The following ABCA2 variants were observed in gnomAD, a reference collection of about 807,000 sequenced individuals.
The protein encoded by ABCA2 is ATP-binding cassette sub-family A member 2.
Under a neutral mutation model 262.8 loss-of-function variants are expected in ABCA2, and 84 were observed. That is an observed-to-expected ratio of 0.32 (90% CI 0.27 to 0.38). ABCA2 has a LOEUF of 0.38. ABCA2 is among the 10% of genes least tolerant of loss of function. The pLI is 1.00. For missense variants in ABCA2, 2,662 were observed against 3,405.9 expected (o/e 0.78, Z 5.44); for synonymous variants, 1,696 against 1,502.9 (o/e 1.13, Z -2.97).
chr9:137,019,838 G>A lies in ABCA2; in HGVS notation c.1425+498C>T, dbSNP rs1831390077. ...GCCCACCAGCTCCTTTGCTGGACCT[G>A]TCTCCATGTGTCCCTTAAGCACCCA... On this transcript the variant is annotated intron_variant, in intron 10 of 48. Transcript: ENST00000341511. This position sits in a 1 kb window ranked among gnomAD's most constrained non-coding sequence, Gnocchi z 4.4. 1.5e-5 allele frequency: 3 copies of A among 195,428 alleles called. No individual in the cohort carries two copies. The highest frequency in any genetic ancestry group is 1.1e-4 in the Admixed American group (2 of 18,666). The allele number at this position is 195,428 out of a possible 1,614,324, so 12.1% of individuals were successfully genotyped here.
chr9:137,025,635 C>A lies in ABCA2; in HGVS notation c.67-1399G>T, dbSNP rs145900157. Reference sequence around the variant, plus strand: ...CTGAGCCAGGACGGAGCCCAGGGTTCGCCAAGGCACTGTGGGCACCAACAG... The same window carrying A: ...CTGAGCCAGGACGGAGCCCAGGGTTAGCCAAGGCACTGTGGGCACCAACAG... On this transcript the variant is annotated intron_variant, in intron 1 of 48. Coordinates refer to ENST00000341511, the MANE Select transcript of ABCA2 (RefSeq NM_001606.5). Among the ~76,000 whole-genome samples, 9 of 152,350 alleles carry A rather than the reference C, an allele frequency of 5.9e-5. No homozygotes were observed. In the East Asian group the frequency reaches 1.7e-3, roughly 29 times the overall value.
chr9:137,023,076 A>T, intron 3 of ABCA2, 24 bp from the exon 4 acceptor site: 1 of 1,514,516 alleles, frequency 6.6e-7, no homozygotes, highest in Non-Finnish European at 9.0e-7. Context: ...GGGAGAGGGC[A>T]GGGTCGGGGG....
chr9:137,014,324 G>A lies in ABCA2; in HGVS notation c.4084C>T (p.Arg1362Trp), dbSNP rs770918468. 71 of 1,609,056 alleles carry A rather than the reference G, an allele frequency of 4.4e-5. No individual in the cohort carries two copies. The Admixed American group carries it at 6.7e-4, about 15-fold the overall frequency. Residue 1362 changes from arginine (R) to tryptophan (W), a missense_variant, in exon 27 of 49, where the codon CGG (arginine) becomes TGG (tryptophan). Transcript: ENST00000341511. ...TGCGACTGGGTCAGCTCCGAGCACC[G>A]GGCCAGATTGCCAGCGTGACCCTCC... ...SGEGHAGNLA[R>W]CSELTQSQAS...
Position 137,021,815 on chromosome 9 carries a change from T to C in ABCA2, c.678+76A>G, listed in dbSNP as rs1831462999. 1 of 1,408,072 alleles carries C rather than the reference T, an allele frequency of 7.1e-7. No individual in the cohort carries two copies. Among genetic ancestry groups the C allele is most frequent in the African/African-American group, 1.4e-5 (1 of 70,034 alleles). 87.2% of individuals were successfully genotyped at this position (1,408,072 alleles called of 1,614,324 possible). A position where few individuals can be genotyped will look rare whatever the true frequency, so the allele number is the denominator to read the frequency against. On this transcript the variant is annotated intron_variant, in intron 7 of 48. Coordinates refer to ENST00000341511, the MANE Select transcript of ABCA2 (RefSeq NM_001606.5). This position sits in a 1 kb window ranked among gnomAD's most constrained non-coding sequence, Gnocchi z 6.0. ...AGCTCCAAGTCACCAAAGGGGCCCT[T>C]TCCTCACCCACGGAGCAGAAGCACC...
In ABCA2 at chr9:137,020,528, G is replaced by A. The variant is rs184291767; in HGVS notation, c.1266-33C>T. On this transcript the variant is annotated intron_variant, in intron 9 of 48. Coordinates refer to ENST00000341511, the MANE Select transcript of ABCA2 (RefSeq NM_001606.5). Reference sequence around the variant, plus strand: ...AGGGGACAGGGGGCCGGGCCAGGCCGTTAGGGGGCAGGGCCGCGAGAGTGG... The same window carrying A: ...AGGGGACAGGGGGCCGGGCCAGGCCATTAGGGGGCAGGGCCGCGAGAGTGG... 9.2e-4 allele frequency: 1,438 copies of A among 1,560,206 alleles called. 20 individuals carry two copies. The African/African-American group carries it at 0.017, about 18-fold the overall frequency.
rs1253410731 is a variant in ABCA2 at position 137,018,650 on chromosome 9, A to T, written c.1819+69T>A. On this transcript the variant is annotated intron_variant, in intron 13 of 48. Transcript: ENST00000341511. The stretch of plus-strand genomic sequence containing the variant: ...CCAAGGAGTGGGAGGGCACAGGGGG[A>T]CGGGTGGGGCTGGGCTGGGGAGGAA... 9 of 971,152 alleles carry T rather than the reference A, an allele frequency of 9.3e-6. No individual in the cohort carries two copies. The South Asian group carries it at 1.1e-4, about 12-fold the overall frequency. The allele number at this position is 971,152 out of a possible 1,614,324, so 60.2% of individuals were successfully genotyped here.
In ABCA2 at chr9:137,019,242, G is replaced by A. The variant is rs745823405; in HGVS notation, c.1490C>T (p.Ser497Leu). The A allele has an allele frequency of 6.2e-7, 1 of 1,612,688 alleles. No individual in the cohort carries two copies. The highest frequency in any genetic ancestry group is 8.5e-7 in the Non-Finnish European group (1 of 1,179,894). The change falls in exon 11 of 49, where the codon TCG (serine) becomes TTG (leucine). Residue 497 changes from serine (S) to leucine (L), a missense_variant. By Grantham distance (145) the Ser-to-Leu change is moderately radical (BLOSUM62 -2). Coordinates refer to ENST00000341511, the MANE Select transcript of ABCA2 (RefSeq NM_001606.5). This position sits in a 1 kb window ranked among gnomAD's most constrained non-coding sequence, Gnocchi z 4.4. ...CTCCAGGAAGCTGCGGATCTCCGCCGAGATGTTGAGCCAGACCTGGGCATA... is the reference window on the plus strand; with the variant it reads ...CTCCAGGAAGCTGCGGATCTCCGCCAAGATGTTGAGCCAGACCTGGGCATA... ...THYAQVWLNI[S>L]AEIRSFLEQG...
intron 42 of ABCA2, 36 bp downstream of exon 42, chr9:137,009,947 C>A (rs376789158): frequency 4.4e-6 from 7 of 1,595,926 alleles, no homozygotes; most frequent in South Asian, 2.2e-5. Context: ...GGCCACCCAG[C>A]GTGCTGACTC....
At position 137,011,606 on chromosome 9, in the gene ABCA2, G is replaced by A. The variant is rs1831046814; in HGVS notation, c.5651+28C>T. On this transcript the variant is annotated intron_variant, in intron 36 of 48. Coordinates refer to ENST00000341511, the MANE Select transcript of ABCA2 (RefSeq NM_001606.5). This position sits in a 1 kb window ranked among gnomAD's most constrained non-coding sequence, Gnocchi z 8.8. ...ACCAGGCAGCCCCGGTCCCACCTGA[G>A]GCCGCTCCCCCCTCCGCTTCCGCTT... The A allele has an allele frequency of 1.3e-6, 2 of 1,554,400 alleles. No individual in the cohort carries two copies. The highest frequency in any genetic ancestry group is 1.9e-5 in the Admixed American group (1 of 51,330).
rs1353064720 is a variant in ABCA2 at position 137,022,080 on chromosome 9, TGTGGGGGCGTGGCTTAGATG to T, written c.568-99_568-80del. 134 of 297,194 alleles carry T rather than the reference TGTGGGGGCGTGGCTTAGATG, an allele frequency of 4.5e-4. No homozygotes were observed. The East Asian group carries it at 0.014, about 32-fold the overall frequency. The allele number at this position is 297,194 out of a possible 1,614,324, so 18.4% of individuals were successfully genotyped here. A position where few individuals can be genotyped will look rare whatever the true frequency, so the allele number is the denominator to read the frequency against. Reference sequence around the variant, plus strand: ...GGTGGGGGCGTGGCTCCGATGGACGTGTGGGGGCGTGGCTTAGATGGTGGGGGCGTGGCTCAGAGAGTGGG... The same window carrying T: ...GGTGGGGGCGTGGCTCCGATGGACGTGTGGGGGCGTGGCTCAGAGAGTGGG... On this transcript the variant is annotated intron_variant, in intron 6 of 48. Transcript: ENST00000341511.
In ABCA2 at chr9:137,021,810, G is replaced by GCC. The variant is rs1395051107; in HGVS notation, c.678+79_678+80dup. ...GGAGGAGCTCCAAGTCACCAAAGGG[G>GCC]CCCTTTCCTCACCCACGGAGCAGAA... On this transcript the variant is annotated intron_variant, in intron 7 of 48. Transcript: ENST00000341511. The surrounding 1 kb of genome is among the most constrained non-coding windows in gnomAD (Gnocchi z 6.0). 23 of 1,376,102 alleles carry GCC rather than the reference G, an allele frequency of 1.7e-5. No homozygotes were observed. Among genetic ancestry groups the GCC allele is most frequent in the Non-Finnish European group, 2.2e-5 (22 of 990,726 alleles). 85.2% of individuals were successfully genotyped at this position (1,376,102 alleles called of 1,614,324 possible).
upstream of ABCA2, chr9:137,028,782 G>A (rs1332334061): frequency 7.7e-7 from 1 of 1,291,768 alleles, no homozygotes; most frequent in Middle Eastern, 2.2e-4. The surrounding 1 kb of genome is among the most constrained non-coding windows in gnomAD (Gnocchi z 6.9). Flanking sequence ...CGGAAGGGGG[G>A]AAACTCGAGG....
At position 137,013,316 on chromosome 9, in the gene ABCA2, A is replaced by T. The variant is rs756430995; in HGVS notation, c.4553T>A (p.Leu1518Gln). 1.3e-6 allele frequency: 2 copies of T among 1,546,370 alleles called. No homozygotes were observed. Among genetic ancestry groups the T allele is most frequent in the Non-Finnish European group, 1.7e-6 (2 of 1,152,824 alleles). ...GGGGCTGGCGTCGGGCGATAGCCGC[A>T]GCCTGCGGGCACCGACAGTGTGAGG... ...YANEERREYR[L>Q]RLSPDASPQQ... Residue 1518 changes from leucine (L) to glutamine (Q), a missense_variant and splice_region_variant, in exon 30 of 49, where the codon CTG becomes CAG. Transcript: ENST00000341511.
Position 137,011,651 on chromosome 9 carries a change from G to A in ABCA2, c.5634C>T (p.Ser1878=), listed in dbSNP as rs1234539419. Reference sequence around the variant, plus strand: ...CCGCTTACCCATAGAGCAGGAAGAGGGAGAGGACGGCAGGGAAGTTGGTGG... The same window carrying A: ...CCGCTTACCCATAGAGCAGGAAGAGAGAGAGGACGGCAGGGAAGTTGGTGG... ...TSPTNFPAVL[S]LFLLYGWSIT... is the part of the protein sequence containing the mutation. The change falls in exon 36 of 49, where the codon TCC becomes TCT. Residue 1878 remains serine, a synonymous_variant. Coordinates refer to ENST00000341511, the MANE Select transcript of ABCA2 (RefSeq NM_001606.5). This position sits in a 1 kb window ranked among gnomAD's most constrained non-coding sequence, Gnocchi z 8.8. The A allele has an allele frequency of 5.1e-6, 8 of 1,553,654 alleles. No individual in the cohort carries two copies. The highest frequency in any genetic ancestry group is 4.1e-5 in the African/African-American group (3 of 73,234).
chr9:137,028,400 C>A, upstream of ABCA2: 1 of 507,462 alleles, frequency 2.0e-6, no homozygotes, highest in Non-Finnish European at 2.5e-6. This position sits in a 1 kb window ranked among gnomAD's most constrained non-coding sequence, Gnocchi z 6.9. Flanking sequence ...GCGCCCGGGA[C>A]CGACCCGGGC....
At chr9:137,022,675 C>A (rs997496944) in intron 5 of ABCA2, 27 bp downstream of exon 5, 1 of 1,597,332 alleles carries the variant, frequency 6.3e-7, no homozygotes, top group Non-Finnish European at 8.5e-7. Flanking sequence ...GCAGCCCTGC[C>A]CCCCAACTTC....
intron 10 of ABCA2, 163 bp downstream of exon 10, chr9:137,020,173 G>A (rs1330638510): frequency 1.6e-5 from 15 of 917,366 alleles, no homozygotes; most frequent in South Asian, 1.2e-4. Flanking sequence ...AAGGAAAAGC[G>A]ACCCCCTGGT....
intron 48 of ABCA2, chr9:137,008,168 C>A: frequency 1.2e-6 from 1 of 813,826 alleles, no homozygotes; most frequent in South Asian, 1.5e-5. Flanking sequence ...GTCCCCTGTT[C>A]CCCGGCTCTG....
chr9:137,028,392 G>C, upstream of ABCA2: 2 of 562,412 alleles, frequency 3.6e-6, no homozygotes, highest in Non-Finnish European at 4.5e-6. This position sits in a 1 kb window ranked among gnomAD's most constrained non-coding sequence, Gnocchi z 6.9. Context: ...CCCGCGCCGC[G>C]CCCGGGACCG....
Sources: allele counts gnomAD v4.1 joint callset (sites outside exome capture counted in the v4.1 genomes callset), GRCh38; gene constraint gnomAD v4.1.1; non-coding constraint Gnocchi (gnomAD v3.1); transcripts MANE v1.5; gene names NCBI Gene and HGNC (gene_info 2026-07-23, HGNC 2026-07-21).